Variants in WDR70 observed in about 807,000 individuals in gnomAD.
The protein encoded by WDR70 is WD repeat domain 70.
A neutral mutation model predicts 88.6 loss-of-function variants in WDR70; 53 were observed. That is an observed-to-expected ratio of 0.60 (90% CI 0.48 to 0.75). The LOEUF is 0.75. Among genes scored for constraint, WDR70 ranks in the 30% least tolerant of loss-of-function variants. The pLI, the probability that WDR70 is intolerant of heterozygous loss-of-function variation, is 0.00. For missense variants in WDR70, 610 were observed against 823.2 expected (o/e 0.74, Z 3.17); for synonymous variants, 280 against 270.0 (o/e 1.04, Z -0.36).
At chr5:37,683,286 A>G (rs1746493264) in intron 10 of WDR70, among the ~76,000 whole-genome samples, 1 of 152,022 alleles carries the variant, frequency 6.6e-6, no homozygotes, top group African/African-American at 2.4e-5. Flanking sequence ...CCAGCTTGCC[A>G]CTCTGTGCCT....
intron 9 of WDR70, among the ~76,000 whole-genome samples, chr5:37,593,186 C>T (rs1743589631): frequency 1.3e-5 from 2 of 152,062 alleles, no homozygotes; most frequent in Admixed American, 6.6e-5. Context: ...CTTTTAAGTT[C>T]TAGGGTACAC....
At chr5:37,414,927 C>CG in intron 5 of WDR70, among the ~76,000 whole-genome samples, 1 of 135,562 alleles carries the variant, frequency 7.4e-6, no homozygotes, top group East Asian at 1.9e-4. Flanking sequence ...GAGGACCCTG[C>CG]GGCCTTCCGC....
intron 9 of WDR70, among the ~76,000 whole-genome samples, chr5:37,546,842 T>C (rs1742013853): frequency 6.6e-6 from 1 of 151,572 alleles, no homozygotes; most frequent in Non-Finnish European, 1.5e-5. Flanking sequence ...TGCCTGAACC[T>C]GGGAGGCAGA....
intron 10 of WDR70, among the ~76,000 whole-genome samples, chr5:37,678,541 A>G (rs1470843525): frequency 1.3e-5 from 2 of 152,200 alleles, no homozygotes; most frequent in Admixed American, 6.5e-5. Flanking sequence ...CTTTTCTTTA[A>G]GAATGTTGAA....
chr5:37,439,337 G>GT (rs974496084), intron 6 of WDR70, among the ~76,000 whole-genome samples: 23 of 152,004 alleles, frequency 1.5e-4, no homozygotes, highest in African/African-American at 4.3e-4. Flanking sequence ...CTTAAATCAG[G>GT]TTTTTTATAT....
chr5:37,750,945 A>G (rs1462780467), intron 17 of WDR70, among the ~76,000 whole-genome samples: 1 of 152,160 alleles, frequency 6.6e-6, no homozygotes, highest in Non-Finnish European at 1.5e-5. Context: ...TTGCCATTTA[A>G]TTTCCTTTTT....
In WDR70 at chr5:37,727,013, C is replaced by G. The variant is rs750981503; in HGVS notation, c.1845C>G (p.Asp615Glu). 1.2e-6 allele frequency: 2 copies of G among 1,610,570 alleles called. No individual in the cohort carries two copies. The highest frequency in any genetic ancestry group is 1.7e-6 in the Non-Finnish European group (2 of 1,178,540). ...TGCGTCATGCCAAAGCAGCAGAAGA[C>G]AGCCCATATTGGGTTTCTCCAGCAT... ...AILRHAKAAE[D>E]SPYWVSPAYS... is the part of the protein sequence containing the mutation. The change falls in exon 17 of 18, where the codon GAC becomes GAG. Residue 615 changes from aspartate to glutamate, a missense_variant. Physicochemically the swap from Asp to Glu is conservative, Grantham distance 45. Coordinates refer to ENST00000265107, the MANE Select transcript of WDR70 (RefSeq NM_018034.4).
intron 10 of WDR70, among the ~76,000 whole-genome samples, chr5:37,616,669 T>G (rs1013316110): frequency 6.6e-6 from 1 of 152,154 alleles, no homozygotes; most frequent in Non-Finnish European, 1.5e-5. Flanking sequence ...CCTGAAAATA[T>G]TTTGTTTTAT....
At chr5:37,402,758 C>T (rs1410176452) in intron 5 of WDR70, among the ~76,000 whole-genome samples, 1 of 151,790 alleles carries the variant, frequency 6.6e-6, no homozygotes, top group Non-Finnish European at 1.5e-5. Context: ...TCTATCTGAC[C>T]ATATATTGGT....
At chr5:37,582,113 A>C (rs1329869290) in intron 9 of WDR70, among the ~76,000 whole-genome samples, 2 of 152,166 alleles carry the variant, frequency 1.3e-5, no homozygotes. Flanking sequence ...TTAGTTAGTA[A>C]CTAATAGTTA....
At chr5:37,602,182 A>T (rs1438751683) in intron 9 of WDR70, among the ~76,000 whole-genome samples, 1 of 152,176 alleles carries the variant, frequency 6.6e-6, no homozygotes, top group Non-Finnish European at 1.5e-5. Context: ...ACAAAACTGC[A>T]CATTCTGCAC....
chr5:37,488,291 G>A (rs943181059), intron 8 of WDR70, among the ~76,000 whole-genome samples: 8 of 151,390 alleles, frequency 5.3e-5, no homozygotes, highest in Admixed American at 4.6e-4. Flanking sequence ...GACCTTTTTG[G>A]GTTGTATCTA....
At chr5:37,385,814 TA>T (rs57105333) in intron 3 of WDR70, among the ~76,000 whole-genome samples, 19,174 of 151,780 alleles carry the variant, frequency 0.13, 3,973 homozygotes, top group African/African-American at 0.43. Flanking sequence ...TATATATATA[TA>T]TTTTTTGAGA....
chr5:37,659,901 A>T (rs1745657737), intron 10 of WDR70, among the ~76,000 whole-genome samples: 1 of 152,196 alleles, frequency 6.6e-6, no homozygotes, highest in Non-Finnish European at 1.5e-5. Context: ...GAACTTCAAC[A>T]TATGAATTTT....
chr5:37,517,587 G>A (rs1019076896), intron 9 of WDR70, among the ~76,000 whole-genome samples: 6 of 151,730 alleles, frequency 4.0e-5, no homozygotes, highest in Admixed American at 1.3e-4. Context: ...GGCTGGTCTC[G>A]AACTCCTGAC....
At chr5:37,397,854 G>A (rs972507640) in intron 5 of WDR70, among the ~76,000 whole-genome samples, 9 of 151,850 alleles carry the variant, frequency 5.9e-5, no homozygotes, top group Non-Finnish European at 1.0e-4. Context: ...TTAGCCAGGC[G>A]TAATCGTGGC....
At chr5:37,406,047 A>G (rs560977952) in intron 5 of WDR70, among the ~76,000 whole-genome samples, 1 of 152,326 alleles carries the variant, frequency 6.6e-6, no homozygotes, top group East Asian at 1.9e-4. Flanking sequence ...TGTCTCAAAA[A>G]CAAAAAAGGA....
At chr5:37,737,260 G>T (rs888626689) in intron 17 of WDR70, among the ~76,000 whole-genome samples, 2 of 152,160 alleles carry the variant, frequency 1.3e-5, no homozygotes, top group Admixed American at 6.6e-5. Context: ...TTACCGATAA[G>T]GAGATTGAGG....
chr5:37,584,664 A>G (rs72740946), intron 9 of WDR70, among the ~76,000 whole-genome samples: 261 of 152,256 alleles, frequency 1.7e-3, no homozygotes, highest in Middle Eastern at 3.4e-3. Context: ...CATTAAAAAT[A>G]AAGAATAATA....
Sources: gnomAD v4.1 joint callset for allele counts (sites outside exome capture counted in the v4.1 genomes callset) on GRCh38, gnomAD v4.1.1 for gene constraint, MANE v1.5 for transcripts, NCBI Gene and HGNC (gene_info 2026-07-23, HGNC 2026-07-21) for gene names.